KANK1: variants seen among roughly 807,000 people sequenced by gnomAD.
KANK1 encodes KN motif and ankyrin repeat domains 1.
Under a neutral mutation model 106.2 loss-of-function variants are expected in KANK1, and 109 were observed. That is an observed-to-expected ratio of 1.03 (90% CI 0.88 to 1.20). The LOEUF is 1.20. Ranked by LOEUF, KANK1 falls within the 50% of genes most tolerant of loss-of-function variation. The probability of loss-of-function intolerance (pLI) is 0.00; values close to 1 mark genes in which losing one functional copy is unlikely to be tolerated. For synonymous variants in KANK1, 873 were observed against 652.2 expected, an observed-to-expected ratio of 1.34 and a Z score of -5.16; for missense variants, 2,399 against 1,710.7, an observed-to-expected ratio of 1.40 and a Z score of -7.10.
At chr9:530,849 G>A (rs1180020708) in intron 1 of KANK1, among the ~76,000 whole-genome samples, 1 of 152,072 alleles carries the variant, frequency 6.6e-6, no homozygotes, top group Non-Finnish European at 1.5e-5. Flanking sequence ...TTAGCCAGAC[G>A]TGGTGGGGCA....
chr9:605,472 G>T (rs926099481), intron 1 of KANK1, among the ~76,000 whole-genome samples: 2 of 151,714 alleles, frequency 1.3e-5, no homozygotes, highest in Non-Finnish European at 2.9e-5. Flanking sequence ...CGTACACTCA[G>T]TCTTTAAGAG....
intron 1 of KANK1, among the ~76,000 whole-genome samples, chr9:662,141 G>C (rs1310153588): frequency 6.6e-6 from 1 of 152,000 alleles, no homozygotes; most frequent in African/African-American, 2.4e-5. Context: ...ACCTCTTCAA[G>C]GAGAAGTACA....
intron 1 of KANK1, among the ~76,000 whole-genome samples, chr9:575,827 A>G (rs924425702): frequency 6.6e-6 from 1 of 152,234 alleles, no homozygotes; most frequent in African/African-American, 2.4e-5. Flanking sequence ...GTTCAAGACC[A>G]GCCTGGTCAA....
At chr9:663,094 G>A (rs992673966) in intron 1 of KANK1, among the ~76,000 whole-genome samples, 4 of 152,132 alleles carry the variant, frequency 2.6e-5, no homozygotes, top group African/African-American at 7.2e-5. Context: ...CAATTTAAGA[G>A]TTGATCAGAG....
chr9:520,364 G>T (rs1375462070), intron 1 of KANK1, among the ~76,000 whole-genome samples: 1 of 151,410 alleles, frequency 6.6e-6, no homozygotes, highest in African/African-American at 2.4e-5. Flanking sequence ...AATTAAAAAG[G>T]AAGTGACCAG....
In KANK1 at chr9:560,036, A is replaced by G. The variant is rs554124556; in HGVS notation, c.-84+55282A>G. 2.8e-3 allele frequency among the ~76,000 whole-genome samples: 427 copies of G among 152,354 alleles called. 3 individuals carry two copies. Among genetic ancestry groups the G allele is most frequent in the African/African-American group, 8.8e-3 (365 of 41,590 alleles). On this transcript the variant is annotated intron_variant, in intron 1 of 11. Transcript: ENST00000382297. ...TGTTTTCTATTGTAGACCCTAGTTC[A>G]GTGCCTTTTAAACAGCAGATATGGA...
intron 1 of KANK1, among the ~76,000 whole-genome samples, chr9:655,273 A>C (rs1173018904): frequency 1.3e-5 from 2 of 151,562 alleles, no homozygotes; most frequent in Non-Finnish European, 2.9e-5. Flanking sequence ...CGGGAGGCTG[A>C]GGCAGGAGAA....
chr9:545,629 G>C (rs1396448333), intron 1 of KANK1, among the ~76,000 whole-genome samples: 2 of 151,026 alleles, frequency 1.3e-5, no homozygotes, highest in Non-Finnish European at 3.0e-5. Flanking sequence ...CAAGAGAATT[G>C]AGTCATTTTG....
chr9:719,220 G>A (rs1282776361), intron 3 of KANK1, among the ~76,000 whole-genome samples: 1 of 152,020 alleles, frequency 6.6e-6, no homozygotes, highest in Non-Finnish European at 1.5e-5. Flanking sequence ...ACCCACCTCG[G>A]CCTCCCAAAG....
chr9:512,005 A>G (rs2059049605), intron 1 of KANK1, among the ~76,000 whole-genome samples: 1 of 148,672 alleles, frequency 6.7e-6, no homozygotes, highest in Non-Finnish European at 1.5e-5. Flanking sequence ...ACTGGCTCCA[A>G]AAAGGCTTTG....
rs572045136 is a variant in KANK1, at chr9:533,527, C to T, written c.-84+28773C>T. 2.6e-5 allele frequency among the ~76,000 whole-genome samples: 4 copies of T among 152,258 alleles called. No individual in the cohort carries two copies. The South Asian group carries it at 6.2e-4, about 24-fold the overall frequency. On this transcript the variant is annotated intron_variant, in intron 1 of 11. Coordinates refer to ENST00000382297, the MANE Select transcript of KANK1 (RefSeq NM_015158.5). ...ATGGAAAATTGTTTATATATTTTAC[C>T]CTCCTCCAAAACACTCTTAGACCAT... is the stretch of plus-strand genomic sequence containing the variant.
At chr9:592,750 C>A (rs1320291545) in intron 1 of KANK1, among the ~76,000 whole-genome samples, 1 of 151,842 alleles carries the variant, frequency 6.6e-6, no homozygotes, top group African/African-American at 2.4e-5. Flanking sequence ...ATTTCTTTCC[C>A]AAATGAATAG....
chr9:626,428 C>G (rs1834360721), intron 1 of KANK1, among the ~76,000 whole-genome samples: 1 of 151,920 alleles, frequency 6.6e-6, no homozygotes, highest in South Asian at 2.1e-4. Context: ...GACTCCATCT[C>G]AAAAAGGAAA....
At chr9:479,095 T>C (rs58024548) in intron 3 of KANK1, among the ~76,000 whole-genome samples, 30,079 of 152,136 alleles carry the variant, frequency 0.2, 3,631 homozygotes, top group East Asian at 0.51. Flanking sequence ...CTCTTTCACT[T>C]GTCTTGCATA....
intron 1 of KANK1, among the ~76,000 whole-genome samples, chr9:563,532 C>T (rs76958492): frequency 0.039 from 5,872 of 152,204 alleles, 337 homozygotes; most frequent in East Asian, 0.22. Context: ...CTCATAAGTA[C>T]TTTGCATTGT....
intron 1 of KANK1, among the ~76,000 whole-genome samples, chr9:582,241 T>G (rs1234635374): frequency 1.3e-5 from 2 of 151,408 alleles, no homozygotes; most frequent in Admixed American, 6.6e-5. Context: ...GTATGGGGGG[T>G]GTGTGTGGCT....
intron 3 of KANK1, among the ~76,000 whole-genome samples, chr9:484,047 G>C (rs1217888776): frequency 6.6e-6 from 1 of 152,216 alleles, no homozygotes; most frequent in Non-Finnish European, 1.5e-5. Context: ...GTGCCAGTTT[G>C]CACCACGAGT....
At chr9:584,288 A>T (rs532373974) in intron 1 of KANK1, among the ~76,000 whole-genome samples, 2 of 152,354 alleles carry the variant, frequency 1.3e-5, no homozygotes, top group South Asian at 2.1e-4. Context: ...TGAAACTTAC[A>T]TGCACTTACA....
intron 1 of KANK1, among the ~76,000 whole-genome samples, chr9:640,262 G>A (rs1838104603): frequency 6.6e-6 from 1 of 152,018 alleles, no homozygotes; most frequent in African/African-American, 2.4e-5. Context: ...ATATTTCTGA[G>A]ACAGAGTCTC....
Sources: gnomAD v4.1 joint callset for allele counts (sites outside exome capture counted in the v4.1 genomes callset) on GRCh38, gnomAD v4.1.1 for gene constraint, MANE v1.5 for transcripts, NCBI Gene and HGNC (gene_info 2026-07-23, HGNC 2026-07-21) for gene names.